RIMS2: variants seen among roughly 807,000 people sequenced by gnomAD.
RIMS2 encodes the protein regulating synaptic membrane exocytosis protein 2.
Under a neutral mutation model 174.4 loss-of-function variants are expected in RIMS2, and 59 were observed. The ratio of observed to expected loss-of-function variants is 0.34; its 90% CI spans 0.27 to 0.42. The LOEUF (loss-of-function observed/expected upper bound fraction) is 0.42, where lower values mean the gene tolerates loss of function less well. Ranked by LOEUF, RIMS2 falls within the 10% of genes least tolerant of loss-of-function variation. The pLI, the probability that RIMS2 is intolerant of heterozygous loss-of-function variation, is 1.00. For missense variants in RIMS2, 1,620 were observed against 1,666.3 expected, an observed-to-expected ratio of 0.97 and a Z score of 0.48; for synonymous variants, 606 against 572.5, an observed-to-expected ratio of 1.06 and a Z score of -0.84.
intron 19 of RIMS2, among the ~76,000 whole-genome samples, chr8:104,212,004 A>G (rs1481602136): frequency 1.6e-5 from 2 of 124,192 alleles, no homozygotes; most frequent in African/African-American, 3.1e-5. Flanking sequence ...GGAATAAAGG[A>G]GGATGTCCAG....
At chr8:103,631,103 G>A (rs780842583) in intron 1 of RIMS2, among the ~76,000 whole-genome samples, 1 of 152,148 alleles carries the variant, frequency 6.6e-6, no homozygotes, top group African/African-American at 2.4e-5. Context: ...TTCTTTTGCT[G>A]TGCAGAAACT....
intron 19 of RIMS2, among the ~76,000 whole-genome samples, chr8:104,197,649 ATTGAGGT>A (rs1248223468): frequency 1.3e-5 from 2 of 151,982 alleles, no homozygotes; most frequent in Non-Finnish European, 2.9e-5. Context: ...CTTAAAACTC[ATTGAGGT>A]CTGAGGAGAT....
rs75003815 is a variant in RIMS2 at position 103,526,281 on chromosome 8, A to G, written c.176+25219A>G. ...TAGAATCATCGTAGTCTTTAATTAG[A>G]TTACAGACATCTAAGATTGTTAATG... On this transcript the variant is annotated intron_variant, in intron 1 of 23. Transcript: ENST00000504942. Among the ~76,000 whole-genome samples, 1,119 of 152,338 alleles carry G rather than the reference A, an allele frequency of 7.3e-3. 9 individuals carry two copies. Among genetic ancestry groups the G allele is most frequent in the Non-Finnish European group, 0.011 (739 of 68,028 alleles).
At chr8:103,566,834 A>G (rs1338620613) in intron 1 of RIMS2, among the ~76,000 whole-genome samples, 2 of 152,152 alleles carry the variant, frequency 1.3e-5, no homozygotes, top group African/African-American at 4.8e-5. Context: ...CTTCATTGAG[A>G]TAATTCACAT....
intron 4 of RIMS2, among the ~76,000 whole-genome samples, chr8:103,902,386 A>T (rs549829243): frequency 2.6e-5 from 4 of 152,144 alleles, no homozygotes; most frequent in African/African-American, 9.7e-5. Flanking sequence ...TACCTTGTTT[A>T]TGAGCAAGTC....
intron 4 of RIMS2, among the ~76,000 whole-genome samples, chr8:103,896,625 G>T (rs34127977): frequency 2.6e-5 from 4 of 151,686 alleles, no homozygotes; most frequent in East Asian, 1.9e-4. Flanking sequence ...TTCAGGCAAG[G>T]TTCAGCTGTG....
intron 19 of RIMS2, among the ~76,000 whole-genome samples, chr8:104,184,496 G>C (rs577445495): frequency 9.9e-5 from 15 of 151,402 alleles, no homozygotes; most frequent in African/African-American, 3.6e-4. Flanking sequence ...TCTAAACAAT[G>C]TTTTTATTGA....
chr8:103,758,709 G>T (rs962975669), intron 2 of RIMS2, among the ~76,000 whole-genome samples: 1 of 151,972 alleles, frequency 6.6e-6, no homozygotes. Context: ...TTAAAATTCT[G>T]GGTGTAGAAA....
chr8:103,700,605 T>C (rs1338086017), intron 2 of RIMS2, among the ~76,000 whole-genome samples: 2 of 152,006 alleles, frequency 1.3e-5, no homozygotes, highest in East Asian at 1.9e-4. Flanking sequence ...TTTAATTGGA[T>C]GTTTATAAAA....
At chr8:103,622,799 A>C (rs7838105) in intron 1 of RIMS2, among the ~76,000 whole-genome samples, 27,723 of 152,124 alleles carry the variant, frequency 0.18, 2,774 homozygotes, top group African/African-American at 0.26. Context: ...AGGGAAACTG[A>C]TCTAGTCACT....
chr8:103,933,815 A>C (rs1216900587), intron 12 of RIMS2, among the ~76,000 whole-genome samples: 1 of 152,200 alleles, frequency 6.6e-6, no homozygotes, highest in Non-Finnish European at 1.5e-5. Context: ...TTTACACATT[A>C]ATAAAGGATT....
chr8:103,601,594 C>G (rs1162045102), intron 1 of RIMS2, among the ~76,000 whole-genome samples: 1 of 151,908 alleles, frequency 6.6e-6, no homozygotes, highest in Non-Finnish European at 1.5e-5. Context: ...GGCAACAGAT[C>G]ATGGAGTTTT....
At chr8:103,728,716 T>C (rs765441166) in intron 2 of RIMS2, among the ~76,000 whole-genome samples, 9 of 151,160 alleles carry the variant, frequency 6.0e-5, no homozygotes, top group Non-Finnish European at 1.2e-4. Context: ...GGCCTGTCCC[T>C]ATGGCTTTTA....
At chr8:104,224,519 T>C (rs2099173244) in intron 19 of RIMS2, among the ~76,000 whole-genome samples, 1 of 152,230 alleles carries the variant, frequency 6.6e-6, no homozygotes, top group Admixed American at 6.5e-5. Context: ...GATAATTGAC[T>C]GGTAAATAGT....
chr8:104,109,603 A>G (rs1046879672), intron 19 of RIMS2, among the ~76,000 whole-genome samples: 1 of 152,216 alleles, frequency 6.6e-6, no homozygotes, highest in African/African-American at 2.4e-5. Flanking sequence ...GGGTTTAAAA[A>G]AAGAAAGGAA....
rs1317325451 is a variant in RIMS2 at position 103,544,422 on chromosome 8, C to G, written c.176+43360C>G. On this transcript the variant is annotated intron_variant, in intron 1 of 23. Transcript: ENST00000504942. ...CCCACCTCCACTGCTGGTAGCCAGGCAGGCAGTCAGTGCCTGCTAGAGCTT... is the reference window on the plus strand; with the variant it reads ...CCCACCTCCACTGCTGGTAGCCAGGGAGGCAGTCAGTGCCTGCTAGAGCTT... Among the ~76,000 whole-genome samples the G allele has an allele frequency of 3.3e-5, 5 of 152,388 alleles. No individual in the cohort carries two copies. The South Asian group carries it at 1.0e-3, about 32-fold the overall frequency.
At chr8:103,889,772 C>A (rs1017071159) in intron 4 of RIMS2, among the ~76,000 whole-genome samples, 11 of 151,760 alleles carry the variant, frequency 7.2e-5, no homozygotes, top group Non-Finnish European at 1.6e-4. Context: ...TTTAAATATA[C>A]AGAGTTTCAC....
intron 19 of RIMS2, among the ~76,000 whole-genome samples, chr8:104,166,696 A>C (rs1477995273): frequency 6.6e-6 from 1 of 151,838 alleles, no homozygotes; most frequent in Non-Finnish European, 1.5e-5. Flanking sequence ...TAGAGTTATA[A>C]ATATAAGGTA....
At chr8:103,670,468 CG>C (rs1333182835) in intron 1 of RIMS2, among the ~76,000 whole-genome samples, 3 of 152,186 alleles carry the variant, frequency 2.0e-5, no homozygotes, top group Admixed American at 2.0e-4. Flanking sequence ...TCTTTTCAGT[CG>C]CATTGTCAGG....
Sources: gnomAD v4.1 joint callset for allele counts (sites outside exome capture counted in the v4.1 genomes callset) on GRCh38, gnomAD v4.1.1 for gene constraint, MANE v1.5 for transcripts, NCBI Gene and HGNC (gene_info 2026-07-23, HGNC 2026-07-21) for gene names.